Variants in PANK1 observed in about 807,000 individuals in gnomAD.
PANK1 encodes the protein pantothenic acid kinase 1.
Under a neutral mutation model 40.1 loss-of-function variants are expected in PANK1, and 18 were observed. That is an observed-to-expected ratio of 0.45 (90% CI 0.31 to 0.67). The LOEUF (loss-of-function observed/expected upper bound fraction) is 0.67, where lower values mean the gene tolerates loss of function less well. Among genes scored for constraint, PANK1 ranks in the 30% least tolerant of loss-of-function variants. The pLI is 0.06. For missense variants in PANK1, 457 were observed against 599.6 expected (o/e 0.76, Z 2.48); for synonymous variants, 242 against 237.7 (o/e 1.02, Z -0.17).
intron 5 of PANK1, among the ~76,000 whole-genome samples, chr10:89,590,687 A>T (rs769574124): frequency 3.3e-5 from 5 of 152,208 alleles, no homozygotes; most frequent in Non-Finnish European, 7.4e-5. Context: ...TAGGAAATTG[A>T]ACAAATCAAT....
In PANK1 at chr10:89,595,826, AAAAAAAAATAT is replaced by A. The variant is rs1226446118; in HGVS notation, c.900-1848_900-1838del. Among the ~76,000 whole-genome samples, 130 of 76,978 alleles carry A rather than the reference AAAAAAAAATAT, an allele frequency of 1.7e-3. 2 individuals carry two copies. Among genetic ancestry groups the A allele is most frequent in the East Asian group, 0.013 (23 of 1,734 alleles). 50.5% of individuals were successfully genotyped at this position (76,978 alleles called of 152,430 possible). ...AGCCGGACTCCATCTTAAAAAAAAA[AAAAAAAAATAT>A]ATATATATATATATATATATATATA... On this transcript the variant is annotated intron_variant, in intron 3 of 6. Transcript: ENST00000307534.
In PANK1 at chr10:89,635,409, A is replaced by G. The variant is rs533110323; in HGVS notation, c.292+9191T>C. On this transcript the variant is annotated intron_variant, in intron 1 of 6. Transcript: ENST00000307534. The stretch of plus-strand genomic sequence containing the variant: ...TGTGCACAAGAGAGCAAAAGAGTGA[A>G]CTCACAGCCTCAAACCCTTTTATAA... 2.6e-5 allele frequency among the ~76,000 whole-genome samples: 4 copies of G among 152,266 alleles called. No individual in the cohort carries two copies. The South Asian group carries it at 6.2e-4, about 24-fold the overall frequency.
chr10:89,599,737 T>C (rs1844719644), intron 2 of PANK1, among the ~76,000 whole-genome samples: 1 of 152,128 alleles, frequency 6.6e-6, no homozygotes, highest in Non-Finnish European at 1.5e-5. Context: ...GCCTGATTGT[T>C]TGAAATGCAC....
At chr10:89,620,388 G>C (rs1287439346) in intron 1 of PANK1, among the ~76,000 whole-genome samples, 1 of 152,176 alleles carries the variant, frequency 6.6e-6, no homozygotes, top group Non-Finnish European at 1.5e-5. Flanking sequence ...CATTCCCAGG[G>C]GGAGGTCTCT....
intron 6 of PANK1, among the ~76,000 whole-genome samples, chr10:89,585,858 T>C (rs1276687409): frequency 6.6e-6 from 1 of 152,184 alleles, no homozygotes; most frequent in African/African-American, 2.4e-5. Flanking sequence ...TATTCTCTAG[T>C]AAGGCCCGCG....
At chr10:89,634,294 C>T (rs1435930762) in intron 1 of PANK1, among the ~76,000 whole-genome samples, 1 of 152,112 alleles carries the variant, frequency 6.6e-6, no homozygotes, top group Non-Finnish European at 1.5e-5. Context: ...AGTTGTTTGT[C>T]CAGAAGCCCC....
intron 1 of PANK1, among the ~76,000 whole-genome samples, chr10:89,612,754 C>A (rs923525292): frequency 2.0e-5 from 3 of 152,230 alleles, no homozygotes; most frequent in African/African-American, 7.2e-5. Context: ...TTCCAAATAG[C>A]CTGCTCAGAA....
chr10:89,641,640 G>A (rs546632335), intron 1 of PANK1, among the ~76,000 whole-genome samples: 27 of 152,282 alleles, frequency 1.8e-4, no homozygotes, highest in African/African-American at 5.8e-4. Context: ...GCTGAGGCAG[G>A]AGAATGGCGT....
chr10:89,630,001 G>C (rs1281044405), intron 1 of PANK1, among the ~76,000 whole-genome samples: 1 of 152,124 alleles, frequency 6.6e-6, no homozygotes, highest in Non-Finnish European at 1.5e-5. Context: ...AAAACTCTAA[G>C]ACAGCATTAC....
intron 2 of PANK1, among the ~76,000 whole-genome samples, chr10:89,609,880 C>T (rs975586440): frequency 2.6e-5 from 4 of 152,182 alleles, no homozygotes; most frequent in African/African-American, 9.7e-5. Context: ...CCAGGGTATA[C>T]GTTACCCCAG....
At chr10:89,589,422 A>G (rs1844303226) in intron 5 of PANK1, among the ~76,000 whole-genome samples, 1 of 152,174 alleles carries the variant, frequency 6.6e-6, no homozygotes, top group South Asian at 2.1e-4. Flanking sequence ...CGGTTCATGC[A>G]GACATGCTTC....
chr10:89,597,878 T>A (rs1338307432), intron 3 of PANK1, among the ~76,000 whole-genome samples: 2 of 152,248 alleles, frequency 1.3e-5, no homozygotes, highest in East Asian at 3.8e-4. Context: ...CGGAGTCAGT[T>A]TTGTTTCTTG....
intron 1 of PANK1, among the ~76,000 whole-genome samples, chr10:89,618,646 G>A (rs1845390784): frequency 6.6e-6 from 1 of 152,166 alleles, no homozygotes; most frequent in Non-Finnish European, 1.5e-5. Flanking sequence ...GCAACTCTTG[G>A]CCATTTTATA....
At chr10:89,630,561 T>TG (rs1421234189) in intron 1 of PANK1, among the ~76,000 whole-genome samples, 2 of 151,560 alleles carry the variant, frequency 1.3e-5, no homozygotes, top group African/African-American at 4.9e-5. Flanking sequence ...GGCGCGATCT[T>TG]GGTGTACTGC....
chr10:89,641,748 T>TAAAC (rs2133038159), intron 1 of PANK1, among the ~76,000 whole-genome samples: 1 of 124,234 alleles, frequency 8.0e-6, no homozygotes, highest in South Asian at 3.0e-4. Context: ...AATAAATAAA[T>TAAAC]AAATAAATAA....
intron 1 of PANK1, among the ~76,000 whole-genome samples, chr10:89,623,416 A>C (rs1004393719): frequency 3.3e-5 from 5 of 151,672 alleles, no homozygotes; most frequent in African/African-American, 1.2e-4. Context: ...AGTGGAGACG[A>C]GGTTTCACCA....
chr10:89,632,736 G>A (rs1400140251), intron 1 of PANK1, among the ~76,000 whole-genome samples: 1 of 152,148 alleles, frequency 6.6e-6, no homozygotes, highest in Non-Finnish European at 1.5e-5. Flanking sequence ...TCTACCTGCT[G>A]GGTAATCCAG....
At chr10:89,619,814 A>G (rs984267159) in intron 1 of PANK1, among the ~76,000 whole-genome samples, 2 of 152,234 alleles carry the variant, frequency 1.3e-5, no homozygotes, top group African/African-American at 2.4e-5. Flanking sequence ...AACAAGGGGG[A>G]AAATGTTTAA....
chr10:89,601,059 G>T (rs1844765975), intron 2 of PANK1, among the ~76,000 whole-genome samples: 1 of 151,972 alleles, frequency 6.6e-6, no homozygotes, highest in Non-Finnish European at 1.5e-5. Flanking sequence ...CCAATGACTT[G>T]CTGTACTTCT....
Sources: allele counts gnomAD v4.1 joint callset (sites outside exome capture counted in the v4.1 genomes callset), GRCh38; gene constraint gnomAD v4.1.1; transcripts MANE v1.5; gene names NCBI Gene and HGNC (gene_info 2026-07-23, HGNC 2026-07-21).